CNNM2: variants seen among roughly 807,000 people sequenced by gnomAD.
The protein encoded by CNNM2 is metal transporter CNNM2.
A neutral mutation model predicts 66.9 loss-of-function variants in CNNM2; 12 were observed. The observed-to-expected ratio is 0.18, with a 90% CI of 0.11 to 0.29. The LOEUF (loss-of-function observed/expected upper bound fraction) is 0.29, where lower values mean the gene tolerates loss of function less well. CNNM2 is among the 10% of genes least tolerant of loss of function. The probability of loss-of-function intolerance (pLI) is 1.00; values close to 1 mark genes in which losing one functional copy is unlikely to be tolerated. For synonymous variants in CNNM2, 557 were observed against 501.8 expected (o/e 1.11, Z -1.47); for missense variants, 705 against 1,167.7 (o/e 0.60, Z 5.77).
At chr10:102,950,260 C>T (rs141341774) in intron 1 of CNNM2, among the ~76,000 whole-genome samples, 1 of 152,090 alleles carries the variant, frequency 6.6e-6, no homozygotes, top group African/African-American at 2.4e-5. Flanking sequence ...AAAATAACTT[C>T]TAAGGTAAAA....
intron 1 of CNNM2, among the ~76,000 whole-genome samples, chr10:102,961,999 A>C (rs1295321177): frequency 2.6e-5 from 4 of 152,186 alleles, no homozygotes; most frequent in Admixed American, 1.3e-4. Flanking sequence ...CTTTTTTTAA[A>C]ATGAAGAAAA....
chr10:102,968,791 G>A (rs1372902233), intron 1 of CNNM2, among the ~76,000 whole-genome samples: 2 of 151,430 alleles, frequency 1.3e-5, no homozygotes, highest in Non-Finnish European at 2.9e-5. Flanking sequence ...TGTAGAGACA[G>A]CATCTGACTA....
intron 5 of CNNM2, among the ~76,000 whole-genome samples, chr10:103,070,447 G>A (rs368822628): frequency 6.6e-6 from 1 of 152,230 alleles, no homozygotes; most frequent in Non-Finnish European, 1.5e-5. Flanking sequence ...GAGGGGAAAT[G>A]TGAGTATAGT....
intron 1 of CNNM2, among the ~76,000 whole-genome samples, chr10:103,014,966 C>A (rs889172142): frequency 6.6e-6 from 1 of 152,064 alleles, no homozygotes; most frequent in Admixed American, 6.6e-5. Context: ...TTTAATATAT[C>A]TGATATCCCC....
chr10:103,041,658 A>G (rs1174503804), intron 1 of CNNM2, among the ~76,000 whole-genome samples: 2 of 152,162 alleles, frequency 1.3e-5, no homozygotes, highest in Non-Finnish European at 2.9e-5. Context: ...CTTTATCTCC[A>G]GCATCTTCTG....
intron 1 of CNNM2, among the ~76,000 whole-genome samples, chr10:102,990,881 CCT>C (rs2063886780): frequency 6.6e-6 from 1 of 152,132 alleles, no homozygotes; most frequent in Admixed American, 6.6e-5. Context: ...TCTTTTACCC[CCT>C]GTTCCTCAGC....
intron 1 of CNNM2, among the ~76,000 whole-genome samples, chr10:102,995,198 T>C (rs1564837030): frequency 0.014 from 1 of 72 alleles, no homozygotes; most frequent in African/African-American, 0.056. Context: ...CCCCTCTTCC[T>C]CCTCCTTCCT....
At chr10:103,003,621 T>TGA (rs1272259448) in intron 1 of CNNM2, among the ~76,000 whole-genome samples, 1 of 151,916 alleles carries the variant, frequency 6.6e-6, no homozygotes, top group Admixed American at 6.6e-5. Context: ...GTCAGAAGTT[T>TGA]GAGACCAGCC....
At chr10:102,961,323 C>CT (rs1226758688) in intron 1 of CNNM2, among the ~76,000 whole-genome samples, 1 of 152,202 alleles carries the variant, frequency 6.6e-6, no homozygotes, top group Non-Finnish European at 1.5e-5. Flanking sequence ...ATTCTGCTGT[C>CT]TTAACTGATA....
At chr10:102,978,866 G>A (rs772222051) in intron 1 of CNNM2, among the ~76,000 whole-genome samples, 2 of 152,154 alleles carry the variant, frequency 1.3e-5, no homozygotes, top group African/African-American at 4.8e-5. Context: ...AAATGGAATC[G>A]TACAATATGT....
At chr10:102,941,197 C>G (rs112288917) in intron 1 of CNNM2, among the ~76,000 whole-genome samples, 340 of 152,282 alleles carry the variant, frequency 2.2e-3, no homozygotes, top group African/African-American at 7.7e-3. Flanking sequence ...TTAAACATAA[C>G]TTTCATCTTA....
At chr10:103,010,105 T>C (rs1033209989) in intron 1 of CNNM2, among the ~76,000 whole-genome samples, 2 of 152,206 alleles carry the variant, frequency 1.3e-5, no homozygotes, top group African/African-American at 4.8e-5. Flanking sequence ...AGTTGGGGGA[T>C]GTTTAATTAT....
At chr10:102,973,069 T>G (rs889428126) in intron 1 of CNNM2, among the ~76,000 whole-genome samples, 1 of 152,208 alleles carries the variant, frequency 6.6e-6, no homozygotes. Flanking sequence ...ATGGTTCATC[T>G]TAGTCAACTT....
In CNNM2 at chr10:102,926,712, A is replaced by AT. The variant is rs376861078; in HGVS notation, c.1621+6632dup. On this transcript the variant is annotated intron_variant, in intron 1 of 7. Coordinates refer to ENST00000369878, the MANE Select transcript of CNNM2 (RefSeq NM_017649.5). ...AGGCGTGTGCCACCACACCCAGCTA[A>AT]TTTTTTTTTTTTTTTTTTTTTGAGA... Among the ~76,000 whole-genome samples the AT allele has an allele frequency of 0.015, 1,749 of 113,782 alleles. 60 individuals are homozygous for AT. The highest frequency in any genetic ancestry group is 0.057 in the Middle Eastern group (11 of 192). The allele number at this position is 113,782 out of a possible 152,430, so 74.6% of individuals were successfully genotyped here.
chr10:102,961,400 A>G (rs1564821998), intron 1 of CNNM2, among the ~76,000 whole-genome samples: 1 of 152,238 alleles, frequency 6.6e-6, no homozygotes, highest in African/African-American at 2.4e-5. Context: ...ATATGAAAAG[A>G]AAGAGGATTT....
At chr10:102,940,360 C>T (rs901445238) in intron 1 of CNNM2, among the ~76,000 whole-genome samples, 7 of 152,088 alleles carry the variant, frequency 4.6e-5, no homozygotes, top group African/African-American at 1.7e-4. Flanking sequence ...CCCTTAGCCC[C>T]TCTTATTTGT....
intron 3 of CNNM2, among the ~76,000 whole-genome samples, chr10:103,055,822 C>T (rs939367788): frequency 6.6e-6 from 1 of 152,056 alleles, no homozygotes; most frequent in Admixed American, 6.5e-5. Context: ...ACATCTAGGC[C>T]GGGCATGGTG....
chr10:103,056,612 C>G (rs2065300915), intron 3 of CNNM2, among the ~76,000 whole-genome samples, 183 bp from the exon 4 acceptor site: 1 of 152,232 alleles, frequency 6.6e-6, no homozygotes, highest in Admixed American at 6.5e-5. Flanking sequence ...TGTGAGAATT[C>G]AGCACTTTCT....
intron 4 of CNNM2, among the ~76,000 whole-genome samples, chr10:103,066,442 C>A (rs918876536): frequency 2.6e-5 from 4 of 152,174 alleles, no homozygotes; most frequent in Non-Finnish European, 5.9e-5. Context: ...CACTCCCTCC[C>A]CAGGCCTGTG....
Sources: allele counts gnomAD v4.1 joint callset (sites outside exome capture counted in the v4.1 genomes callset), GRCh38; gene constraint gnomAD v4.1.1; transcripts MANE v1.5; gene names NCBI Gene and HGNC (gene_info 2026-07-23, HGNC 2026-07-21).